Variants in DNM3 observed in about 807,000 individuals in gnomAD.
The protein encoded by DNM3 is dynamin 3.
Under a neutral mutation model 101.6 loss-of-function variants are expected in DNM3, and 47 were observed. The observed-to-expected ratio is 0.46, with a 90% CI of 0.37 to 0.59. The LOEUF (loss-of-function observed/expected upper bound fraction) is 0.59. DNM3 is among the 20% of genes least tolerant of loss of function. DNM3 has a pLI of 0.00. For synonymous variants in DNM3, 385 were observed against 387.9 expected (o/e 0.99, Z 0.09); for missense variants, 849 against 1,085.7 (o/e 0.78, Z 3.06).
chr1:172,392,709 A>G (rs188663688), intron 20 of DNM3, among the ~76,000 whole-genome samples: 12 of 152,254 alleles, frequency 7.9e-5, no homozygotes, highest in Non-Finnish European at 1.5e-4. Flanking sequence ...CTATTTTGCA[A>G]TAGTCAAAAG....
intron 2 of DNM3, among the ~76,000 whole-genome samples, chr1:171,948,876 G>GA (rs1245921313): frequency 6.6e-6 from 1 of 152,038 alleles, no homozygotes; most frequent in Non-Finnish European, 1.5e-5. Flanking sequence ...CAAGAGTTCT[G>GA]AAAAAATGCA....
intron 10 of DNM3, among the ~76,000 whole-genome samples, chr1:172,067,290 A>C (rs1298655360): frequency 6.6e-6 from 1 of 152,292 alleles, no homozygotes; most frequent in South Asian, 2.1e-4. Flanking sequence ...CACTTTAAAA[A>C]TCATCATTGG....
At chr1:172,289,938 GT>G in intron 15 of DNM3, 1 of 944,858 alleles carries the variant, frequency 1.1e-6, no homozygotes, top group Middle Eastern at 5.5e-4. Context: ...AATATTATCT[GT>G]AAGGTAAAAG....
chr1:172,288,335 G>C (rs147107110), intron 15 of DNM3, among the ~76,000 whole-genome samples: 4 of 152,318 alleles, frequency 2.6e-5, no homozygotes, highest in African/African-American at 9.6e-5. Context: ...AGAGTGAACA[G>C]CATATGCCAA....
intron 17 of DNM3, among the ~76,000 whole-genome samples, chr1:172,374,911 C>A (rs1162411676): frequency 6.6e-6 from 1 of 151,994 alleles, no homozygotes; most frequent in Non-Finnish European, 1.5e-5. Context: ...ATTGCGTAGA[C>A]CTTATAATCC....
chr1:172,034,067 G>T (rs1228178472), intron 6 of DNM3, among the ~76,000 whole-genome samples: 1 of 152,100 alleles, frequency 6.6e-6, no homozygotes, highest in Non-Finnish European at 1.5e-5. Flanking sequence ...CAATCAAGTA[G>T]ATTTCTGATT....
intron 2 of DNM3, among the ~76,000 whole-genome samples, chr1:171,976,216 A>C (rs1024649048): frequency 3.3e-5 from 5 of 152,250 alleles, no homozygotes; most frequent in African/African-American, 9.6e-5. Context: ...TCCACCATAC[A>C]CAAAAATTAA....
At chr1:172,359,125 A>AAC (rs10683483) in intron 17 of DNM3, among the ~76,000 whole-genome samples, 4,139 of 145,752 alleles carry the variant, frequency 0.028, 149 homozygotes, top group African/African-American at 0.08. Context: ...ACTCCCACAA[A>AAC]ACACACACAC....
chr1:172,376,140 C>T (rs2068589814), intron 17 of DNM3: 1 of 151,996 alleles, frequency 6.6e-6, no homozygotes, highest in Non-Finnish European at 1.5e-5. Flanking sequence ...ATTTACAATG[C>T]TGGTGTTTTT....
intron 4 of DNM3, among the ~76,000 whole-genome samples, chr1:172,019,914 A>C (rs1179535231): frequency 1.3e-5 from 2 of 150,496 alleles, no homozygotes; most frequent in African/African-American, 4.9e-5. Flanking sequence ...TGTTAATCAC[A>C]GTTTGTTTTT....
chr1:172,276,008 C>T (rs1352158899), intron 15 of DNM3, among the ~76,000 whole-genome samples: 1 of 152,010 alleles, frequency 6.6e-6, no homozygotes, highest in African/African-American at 2.4e-5. Flanking sequence ...GTTTTTAATA[C>T]TCTTAAGATT....
At chr1:172,393,604 A>G (rs190479377) in intron 20 of DNM3, 1 of 152,268 alleles carries the variant, frequency 6.6e-6, no homozygotes, top group Non-Finnish European at 1.5e-5. Flanking sequence ...CAGCCCTCTA[A>G]AAGTCTGACT....
chr1:171,996,893 G>A (rs1003138408), intron 4 of DNM3, among the ~76,000 whole-genome samples: 2 of 151,996 alleles, frequency 1.3e-5, no homozygotes, highest in East Asian at 1.9e-4. Context: ...TTAGTGGGAT[G>A]TGGTGGCGCA....
chr1:171,882,111 C>T (rs147849480), intron 1 of DNM3, among the ~76,000 whole-genome samples: 1,732 of 152,070 alleles, frequency 0.011, 19 homozygotes, highest in Non-Finnish European at 0.02. Flanking sequence ...CTTTAGGAGG[C>T]CGAGGTGGGC....
At chr1:172,402,383 G>C (rs2070561422) in intron 20 of DNM3, among the ~76,000 whole-genome samples, 1 of 152,062 alleles carries the variant, frequency 6.6e-6, no homozygotes, top group Non-Finnish European at 1.5e-5. Flanking sequence ...CTAGATGTAT[G>C]TAAACTAAAT....
chr1:172,006,416 T>C (rs74123859), intron 4 of DNM3, among the ~76,000 whole-genome samples: 8,734 of 151,866 alleles, frequency 0.058, 836 homozygotes, highest in African/African-American at 0.2. Context: ...AAACTTGGGG[T>C]GATGAAAGTT....
At chr1:172,048,573 T>TA (rs756904047) in intron 9 of DNM3, 39 bp from the exon 10 acceptor site, 4 of 1,563,956 alleles carry the variant, frequency 2.6e-6, no homozygotes, top group South Asian at 1.2e-5. Context: ...ATTACTCAAT[T>TA]AAAAAAATCT....
intron 14 of DNM3, among the ~76,000 whole-genome samples, chr1:172,216,967 G>A (rs2060723077): frequency 6.6e-6 from 1 of 152,038 alleles, no homozygotes; most frequent in Non-Finnish European, 1.5e-5. Flanking sequence ...TTCACTACCA[G>A]CCAACCAAAT....
chr1:171,986,003 T>C (rs1325202804), intron 2 of DNM3, among the ~76,000 whole-genome samples: 1 of 152,182 alleles, frequency 6.6e-6, no homozygotes, highest in Non-Finnish European at 1.5e-5. Flanking sequence ...GCAGGTTTCA[T>C]ACCAAACATA....
Sources: gnomAD v4.1 joint callset for allele counts (sites outside exome capture counted in the v4.1 genomes callset) on GRCh38, gnomAD v4.1.1 for gene constraint, MANE v1.5 for transcripts, NCBI Gene and HGNC (gene_info 2026-07-23, HGNC 2026-07-21) for gene names.